LRRC4C: variants seen among roughly 807,000 people sequenced by gnomAD.
The protein encoded by LRRC4C is leucine-rich repeat-containing protein 4C.
In LRRC4C, 5 loss-of-function variants were observed where a neutral mutation model predicts 33.6. The observed-to-expected ratio is 0.15, with a 90% CI of 0.08 to 0.31. The LOEUF (loss-of-function observed/expected upper bound fraction) is 0.31. LRRC4C is among the 10% of genes least tolerant of loss of function. The pLI is 1.00. For synonymous variants in LRRC4C, 329 were observed against 302.0 expected (o/e 1.09, Z -0.93); for missense variants, 560 against 796.7 (o/e 0.70, Z 3.58).
intron 6 of LRRC4C, among the ~76,000 whole-genome samples, chr11:40,116,603 C>A (rs1252644490): frequency 6.6e-6 from 1 of 152,096 alleles, no homozygotes; most frequent in Non-Finnish European, 1.5e-5. Context: ...TGTTTACCAA[C>A]CAAATGTGGC....
intron 4 of LRRC4C, among the ~76,000 whole-genome samples, chr11:40,272,358 TTGA>T (rs1485786030): frequency 6.6e-6 from 1 of 152,110 alleles, no homozygotes; most frequent in Non-Finnish European, 1.5e-5. Context: ...CAAACCTTCC[TTGA>T]TTGCCCATGT....
At position 40,794,373 on chromosome 11, in the gene LRRC4C, CAAAAAAAAAAAAAA is replaced by C. The variant is rs57476895; in HGVS notation, c.-407+139248_-407+139261del. Among the ~76,000 whole-genome samples, 65 of 77,208 alleles carry C rather than the reference CAAAAAAAAAAAAAA, an allele frequency of 8.4e-4. 1 individual carries two copies. The highest frequency in any genetic ancestry group is 1.5e-3 in the African/African-American group (42 of 27,784). The allele number at this position is 77,208 out of a possible 152,430, so 50.7% of individuals were successfully genotyped here. A position where few individuals can be genotyped will look rare whatever the true frequency, so the allele number is the denominator to read the frequency against. ...ACAAAGCCACTCTCATAAACGCCAGCAAAAAAAAAAAAAAAAAAAAAAAAAAATGTGGCGGACAG... is the reference window on the plus strand; with the variant it reads ...ACAAAGCCACTCTCATAAACGCCAGCAAAAAAAAAAAAATGTGGCGGACAG... On this transcript the variant is annotated intron_variant, in intron 2 of 6. Transcript: ENST00000528697.
intron 4 of LRRC4C, among the ~76,000 whole-genome samples, chr11:40,256,732 T>C (rs969714961): frequency 1.3e-5 from 2 of 152,202 alleles, no homozygotes; most frequent in African/African-American, 4.8e-5. Flanking sequence ...TATTCATACC[T>C]GCAGATGTAG....
chr11:40,590,944 C>T (rs61888386), intron 3 of LRRC4C, among the ~76,000 whole-genome samples: 7,692 of 152,208 alleles, frequency 0.051, 37 homozygotes, highest in Admixed American at 0.087. Context: ...TGTCTGTGCC[C>T]TGCCCCCAGA....
intron 1 of LRRC4C, among the ~76,000 whole-genome samples, chr11:41,229,610 G>C (rs570318545): frequency 6.6e-6 from 1 of 152,132 alleles, no homozygotes; most frequent in Admixed American, 6.6e-5. Context: ...AAAGTGTCTT[G>C]TATGGCCAAT....
intron 2 of LRRC4C, among the ~76,000 whole-genome samples, chr11:40,706,237 G>C (rs1946163432): frequency 6.6e-6 from 1 of 152,062 alleles, no homozygotes; most frequent in Non-Finnish European, 1.5e-5. Context: ...GTCTATTTTG[G>C]CTTTTCTTGA....
In LRRC4C at chr11:40,290,453, A is replaced by G. The variant is rs745412379; in HGVS notation, c.-176+29175T>C. Among the ~76,000 whole-genome samples, 10 of 152,364 alleles carry G rather than the reference A, an allele frequency of 6.6e-5. No homozygotes were observed. The South Asian group carries it at 2.1e-3, about 32-fold the overall frequency. ...ACATGTGCCCAGAAAAATAAATTAG[A>G]GAAGTGCTCAGCTGTAGGCTAGTTT... is the stretch of plus-strand genomic sequence containing the variant. On this transcript the variant is annotated intron_variant, in intron 4 of 6. Coordinates refer to ENST00000528697, the MANE Select transcript of LRRC4C (RefSeq NM_001258419.2).
intron 2 of LRRC4C, among the ~76,000 whole-genome samples, chr11:40,784,889 C>A (rs1335511303): frequency 6.6e-6 from 1 of 151,748 alleles, no homozygotes. Context: ...GGGGGAAAAA[C>A]ACAGAAAGAA....
Position 41,155,243 on chromosome 11 carries a change from G to A in LRRC4C, c.-495-221520C>T, listed in dbSNP as rs962664925. ...GGGACATCCTTTAATGTATTCTTCA[G>A]GAGCAGTCATAGCCCCAGAATTTCT... On this transcript the variant is annotated intron_variant, in intron 1 of 6. Transcript: ENST00000528697. 3.9e-5 allele frequency among the ~76,000 whole-genome samples: 6 copies of A among 152,034 alleles called. No homozygotes were observed. The East Asian group carries it at 1.2e-3, about 29-fold the overall frequency.
At chr11:40,488,231 G>A (rs1170954741) in intron 3 of LRRC4C, among the ~76,000 whole-genome samples, 1 of 151,998 alleles carries the variant, frequency 6.6e-6, no homozygotes, top group Non-Finnish European at 1.5e-5. Flanking sequence ...AATTCTTCTG[G>A]CTTAACTCAA....
chr11:40,854,062 G>GA (rs1333060960), intron 2 of LRRC4C, among the ~76,000 whole-genome samples: 1 of 152,050 alleles, frequency 6.6e-6, no homozygotes, highest in African/African-American at 2.4e-5. Flanking sequence ...AGGCGTCACA[G>GA]AAAAAAAGAA....
Position 41,155,489 on chromosome 11 carries a change from C to T in LRRC4C, c.-495-221766G>A, listed in dbSNP as rs138163708. Among the ~76,000 whole-genome samples the T allele has an allele frequency of 5.3e-3, 800 of 152,186 alleles. 4 individuals are homozygous for T. Among genetic ancestry groups the T allele is most frequent in the African/African-American group, 0.018 (745 of 41,542 alleles). On this transcript the variant is annotated intron_variant, in intron 1 of 6. Coordinates refer to ENST00000528697, the MANE Select transcript of LRRC4C (RefSeq NM_001258419.2). ...TAAAGGTCTGCCTGAATCAATGATA[C>T]GAAACGTTTAACTTCTTCCTTTACC...
At chr11:40,809,537 G>A (rs908698203) in intron 2 of LRRC4C, among the ~76,000 whole-genome samples, 9 of 151,626 alleles carry the variant, frequency 5.9e-5, no homozygotes, top group Admixed American at 5.9e-4. Context: ...TTTTTCTATA[G>A]AACTTTTTGC....
chr11:40,625,959 A>T (rs573699033), intron 3 of LRRC4C, among the ~76,000 whole-genome samples: 1 of 152,184 alleles, frequency 6.6e-6, no homozygotes, highest in Admixed American at 6.5e-5. Context: ...ATGCTATTAA[A>T]TGATAGGTTG....
At chr11:40,708,266 G>A (rs1183349423) in intron 2 of LRRC4C, among the ~76,000 whole-genome samples, 4 of 152,078 alleles carry the variant, frequency 2.6e-5, no homozygotes, top group Admixed American at 2.0e-4. Flanking sequence ...TTTTGAATGT[G>A]TTTGCTCTTG....
At chr11:40,484,366 A>G (rs1312758136) in intron 3 of LRRC4C, among the ~76,000 whole-genome samples, 1 of 152,096 alleles carries the variant, frequency 6.6e-6, no homozygotes, top group Non-Finnish European at 1.5e-5. Context: ...ATCCTAAAAC[A>G]TAAACACATA....
chr11:41,396,743 G>A (rs1953833708), intron 1 of LRRC4C, among the ~76,000 whole-genome samples: 1 of 151,962 alleles, frequency 6.6e-6, no homozygotes, highest in Admixed American at 6.6e-5. Flanking sequence ...AAACACCCTG[G>A]AAGACAGCCT....
chr11:40,176,432 G>T (rs1860491611), intron 5 of LRRC4C, among the ~76,000 whole-genome samples: 1 of 152,078 alleles, frequency 6.6e-6, no homozygotes, highest in South Asian at 2.1e-4. Context: ...ATAACGAAAT[G>T]AATGAGATTA....
intron 1 of LRRC4C, among the ~76,000 whole-genome samples, chr11:41,038,042 T>C (rs1050908553): frequency 1.3e-5 from 2 of 152,194 alleles, no homozygotes; most frequent in African/African-American, 2.4e-5. Context: ...ATTTCTAACA[T>C]GTTGTCTGTG....
Sources: gnomAD v4.1 joint callset for allele counts (sites outside exome capture counted in the v4.1 genomes callset) on GRCh38, gnomAD v4.1.1 for gene constraint, MANE v1.5 for transcripts, NCBI Gene and HGNC (gene_info 2026-07-23, HGNC 2026-07-21) for gene names.